The following MGAT5 variants were observed in gnomAD, a reference collection of about 807,000 sequenced individuals.
The protein encoded by MGAT5 is alpha-1,6-mannosylglycoprotein 6-beta-N-acetylglucosaminyltransferase, also known as alpha-1,6-mannosylglycoprotein 6-beta-N-acetylglucosaminyltransferase A.
MGAT5 carries 30 observed loss-of-function variants against 94.3 expected under a neutral mutation model. That is an observed-to-expected ratio of 0.32 (90% CI 0.24 to 0.43). MGAT5 has a LOEUF of 0.43. Among genes scored for constraint, MGAT5 ranks in the 20% least tolerant of loss-of-function variants. MGAT5 has a pLI of 1.00. For synonymous variants in MGAT5, 310 were observed against 322.9 expected (o/e 0.96, Z 0.43); for missense variants, 691 against 905.5 (o/e 0.76, Z 3.04).
At chr2:134,158,659 G>A (rs1031652372) in intron 1 of MGAT5, among the ~76,000 whole-genome samples, 1 of 152,114 alleles carries the variant, frequency 6.6e-6, no homozygotes, top group Admixed American at 6.6e-5. Context: ...CCACCAATTC[G>A]GAAGGGGGAG....
At chr2:134,362,219 T>C (rs1277726672) in intron 9 of MGAT5, 56 bp from the exon 10 acceptor site, 1 of 1,583,402 alleles carries the variant, frequency 6.3e-7, no homozygotes, top group South Asian at 1.2e-5. Context: ...TATGTGATTG[T>C]TATTTCTTCT....
intron 9 of MGAT5, among the ~76,000 whole-genome samples, chr2:134,357,227 C>G (rs1484031380): frequency 6.6e-6 from 1 of 152,142 alleles, no homozygotes; most frequent in East Asian, 1.9e-4. Flanking sequence ...ATTGTAGAAA[C>G]TTCTTTAGGC....
At position 134,278,118 on chromosome 2, in the gene MGAT5, T is replaced by A. The variant is rs140098488; in HGVS notation, c.406+7568T>A. ...GGTATTGGATACTGTCAGAAGCCAT[T>A]TCTTTTGGTATGTTTACCGAAAATT... On this transcript the variant is annotated intron_variant, in intron 2 of 15. Transcript: ENST00000281923. Among the ~76,000 whole-genome samples the A allele has an allele frequency of 2.4e-3, 360 of 152,360 alleles. 5 individuals carry two copies. The highest frequency in any genetic ancestry group is 0.018 in the East Asian group (94 of 5,184).
chr2:134,391,213 T>G (rs7591481), intron 10 of MGAT5, among the ~76,000 whole-genome samples: 30,048 of 151,800 alleles, frequency 0.2, 3,341 homozygotes, highest in East Asian at 0.48. Flanking sequence ...AGGTAGGTGG[T>G]GCCGTTAGTG....
chr2:134,177,799 T>G (rs532561927), intron 1 of MGAT5, among the ~76,000 whole-genome samples: 68 of 152,240 alleles, frequency 4.5e-4, no homozygotes, highest in Non-Finnish European at 6.6e-4. Flanking sequence ...ATGCTGACAA[T>G]GAGAGTGAAT....
At position 134,135,690 on chromosome 2, in the gene MGAT5, CAAAA is replaced by C. The variant is rs59026836; in HGVS notation, c.-143+15420_-143+15423del. Among the ~76,000 whole-genome samples, 23 of 41,702 alleles carry C rather than the reference CAAAA, an allele frequency of 5.5e-4. No individual in the cohort carries two copies. In the South Asian group the frequency reaches 7.5e-3, roughly 14 times the overall value. 27.4% of individuals were successfully genotyped at this position (41,702 alleles called of 152,430 possible). A position where few individuals can be genotyped will look rare whatever the true frequency, so the allele number is the denominator to read the frequency against. ...CTGGCAACAGAGTGAGACTCCATCTCAAAAAAAAAAAAAAAAAAAAAAAAGAAAC... is the reference window on the plus strand; with the variant it reads ...CTGGCAACAGAGTGAGACTCCATCTCAAAAAAAAAAAAAAAAAAAAGAAAC... On this transcript the variant is annotated intron_variant, in intron 1 of 16. Transcript: ENST00000409645.
chr2:134,411,272 A>G (rs1434293847), intron 11 of MGAT5, among the ~76,000 whole-genome samples: 2 of 152,092 alleles, frequency 1.3e-5, no homozygotes, highest in Non-Finnish European at 2.9e-5. Context: ...TTTATCCTAC[A>G]GCTTCCAGGC....
intron 5 of MGAT5, among the ~76,000 whole-genome samples, chr2:134,337,447 G>T (rs895022530): frequency 2.0e-5 from 3 of 152,210 alleles, no homozygotes; most frequent in African/African-American, 7.2e-5. Context: ...CTGCATTCCA[G>T]TCTGGGTGGG....
At chr2:134,414,607 A>T (rs949058117) in intron 12 of MGAT5, among the ~76,000 whole-genome samples, 3 of 152,034 alleles carry the variant, frequency 2.0e-5, no homozygotes, top group African/African-American at 7.3e-5. Flanking sequence ...TTAAATAGAT[A>T]TTTTTTTCAT....
chr2:134,436,524 T>G (rs1685170342), intron 14 of MGAT5, among the ~76,000 whole-genome samples: 1 of 152,112 alleles, frequency 6.6e-6, no homozygotes, highest in South Asian at 2.1e-4. Flanking sequence ...TGCTGTAGTT[T>G]ACAAAGAAAT....
intron 1 of MGAT5, among the ~76,000 whole-genome samples, chr2:134,129,394 A>G (rs891264472): frequency 6.6e-6 from 1 of 152,198 alleles, no homozygotes; most frequent in Admixed American, 6.5e-5. Context: ...TACTTGATAT[A>G]ATGCCATCTC....
intron 2 of MGAT5, among the ~76,000 whole-genome samples, chr2:134,288,488 A>G (rs1395886285): frequency 6.6e-6 from 1 of 152,050 alleles, no homozygotes; most frequent in Non-Finnish European, 1.5e-5. Context: ...TGGACAGCAA[A>G]TCTAGAATAT....
At chr2:134,261,319 C>T (rs571347923) in intron 1 of MGAT5, among the ~76,000 whole-genome samples, 117 of 152,206 alleles carry the variant, frequency 7.7e-4, no homozygotes, top group African/African-American at 2.8e-3. Context: ...CTGCTTCTTC[C>T]CAGCTGTGTC....
At chr2:134,346,820 G>A (rs1392278837) in intron 8 of MGAT5, among the ~76,000 whole-genome samples, 1 of 152,036 alleles carries the variant, frequency 6.6e-6, no homozygotes, top group South Asian at 2.1e-4. Context: ...TTCCTACAAG[G>A]CCTTTGTTGA....
At chr2:134,410,093 G>A (rs189503218) in intron 11 of MGAT5, among the ~76,000 whole-genome samples, 7 of 152,320 alleles carry the variant, frequency 4.6e-5, no homozygotes, top group African/African-American at 1.4e-4. Context: ...GTACATTCTT[G>A]CAGTGTCTCT....
intron 1 of MGAT5, among the ~76,000 whole-genome samples, chr2:134,260,336 T>C (rs1407008991): frequency 6.6e-6 from 1 of 152,186 alleles, no homozygotes; most frequent in East Asian, 1.9e-4. Flanking sequence ...CATAGGGCTT[T>C]TGGTTGCTGG....
At chr2:134,341,517 C>A (rs1688629646) in intron 6 of MGAT5, 73 bp from the exon 7 acceptor site, 6 of 1,273,970 alleles carry the variant, frequency 4.7e-6, no homozygotes, top group Non-Finnish European at 6.4e-6. Flanking sequence ...ATTGGTCAAT[C>A]ATTTCTTGGC....
At chr2:134,231,983 T>A (rs989112679) in intron 1 of MGAT5, among the ~76,000 whole-genome samples, 1 of 152,090 alleles carries the variant, frequency 6.6e-6, no homozygotes, top group Non-Finnish European at 1.5e-5. Flanking sequence ...CAGGCAGCCA[T>A]CCTCCCTCAC....
chr2:134,269,995 C>T (rs1346464774), intron 1 of MGAT5, among the ~76,000 whole-genome samples: 1 of 152,216 alleles, frequency 6.6e-6, no homozygotes, highest in Non-Finnish European at 1.5e-5. Context: ...AAATAACAAA[C>T]TTGATCCAGA....
Sources: gnomAD v4.1 joint callset for allele counts (sites outside exome capture counted in the v4.1 genomes callset) on GRCh38, gnomAD v4.1.1 for gene constraint, MANE v1.5 for transcripts, NCBI Gene and HGNC (gene_info 2026-07-23, HGNC 2026-07-21) for gene names.